The following CNNM2 variants were observed in gnomAD, a reference collection of about 807,000 sequenced individuals.
CNNM2 encodes the protein cyclin and CBS domain divalent metal cation transport mediator 2, also known as metal transporter CNNM2.
A neutral mutation model predicts 66.9 loss-of-function variants in CNNM2; 12 were observed. The observed-to-expected ratio is 0.18, with a 90% CI of 0.11 to 0.29. CNNM2 has a LOEUF of 0.29. Among genes scored for constraint, CNNM2 ranks in the 10% least tolerant of loss-of-function variants. The pLI is 1.00. For missense variants in CNNM2, 705 were observed against 1,167.7 expected, an observed-to-expected ratio of 0.60 and a Z score of 5.77; for synonymous variants, 557 against 501.8, an observed-to-expected ratio of 1.11 and a Z score of -1.47.
intron 1 of CNNM2, among the ~76,000 whole-genome samples, chr10:102,925,879 A>T (rs1845841896): frequency 6.6e-6 from 1 of 152,140 alleles, no homozygotes; most frequent in Non-Finnish European, 1.5e-5. Context: ...TTGTGGTTAG[A>T]CTAGGAGGGT....
rs576018502 is a variant in CNNM2, at chr10:103,073,626, C to T, written c.2233+1787C>T. Among the ~76,000 whole-genome samples the T allele has an allele frequency of 7.2e-5, 11 of 152,118 alleles. No homozygotes were observed. The East Asian group carries it at 2.1e-3, about 29-fold the overall frequency. Reference sequence around the variant, plus strand: ...CCTGTAATCCCAGCACTTTCGGAGGCCGAGGCGGGTGGATCATGAGGTCAG... The same window carrying T: ...CCTGTAATCCCAGCACTTTCGGAGGTCGAGGCGGGTGGATCATGAGGTCAG... On this transcript the variant is annotated intron_variant, in intron 6 of 7. Coordinates refer to ENST00000369878, the MANE Select transcript of CNNM2 (RefSeq NM_017649.5).
intron 1 of CNNM2, among the ~76,000 whole-genome samples, chr10:103,040,484 G>A (rs2134316297): frequency 6.6e-6 from 1 of 152,208 alleles, no homozygotes. Flanking sequence ...TCAGTAGCTG[G>A]TGGGAAGTGA....
intron 1 of CNNM2, among the ~76,000 whole-genome samples, chr10:103,013,973 A>C (rs535790268): frequency 6.6e-6 from 1 of 152,322 alleles, no homozygotes; most frequent in South Asian, 2.1e-4. Flanking sequence ...CCCTTAAGAC[A>C]ATTAGGACCT....
At chr10:103,002,895 C>T (rs549126543) in intron 1 of CNNM2, among the ~76,000 whole-genome samples, 1 of 152,250 alleles carries the variant, frequency 6.6e-6, no homozygotes, top group African/African-American at 2.4e-5. Context: ...TGCAATTCTG[C>T]TACTAGGTAT....
rs1434684530 is a variant in CNNM2 at position 103,082,158 on chromosome 10, G to A, written c.*4978G>A. ...GTACACAAGGTTTTCAGGTTTTAATGCCCATTGGGACCGTGAACAAATGAG... is the reference window on the plus strand; with the variant it reads ...GTACACAAGGTTTTCAGGTTTTAATACCCATTGGGACCGTGAACAAATGAG... On this transcript the variant is annotated 3_prime_UTR_variant, in exon 8 of 8. Transcript: ENST00000369878. 1.3e-5 allele frequency: 2 copies of A among 152,222 alleles called. No individual in the cohort carries two copies. The highest frequency in any genetic ancestry group is 4.8e-5 in the African/African-American group (2 of 41,448). The allele number at this position is 152,222 out of a possible 1,614,324, so 9.4% of individuals were successfully genotyped here. A position where few individuals can be genotyped will look rare whatever the true frequency, so the allele number is the denominator to read the frequency against.
At chr10:103,053,740 C>G (rs1469925451) in intron 2 of CNNM2, among the ~76,000 whole-genome samples, 1 of 152,126 alleles carries the variant, frequency 6.6e-6, no homozygotes, top group African/African-American at 2.4e-5. Context: ...GGATCCCATT[C>G]GTATCTGCTT....
chr10:103,061,836 C>T (rs2065390511), intron 4 of CNNM2, among the ~76,000 whole-genome samples: 1 of 151,248 alleles, frequency 6.6e-6, no homozygotes, highest in Non-Finnish European at 1.5e-5. Flanking sequence ...ACAACAAAAC[C>T]AAAATATGTC....
At chr10:102,924,746 A>G (rs1215042257) in intron 1 of CNNM2, among the ~76,000 whole-genome samples, 1 of 151,914 alleles carries the variant, frequency 6.6e-6, no homozygotes, top group Admixed American at 6.6e-5. Flanking sequence ...CTGGGATTAC[A>G]GGTGCATGCC....
At chr10:102,981,514 C>T (rs1006750449) in intron 1 of CNNM2, among the ~76,000 whole-genome samples, 17 of 151,700 alleles carry the variant, frequency 1.1e-4, no homozygotes, top group African/African-American at 2.9e-4. Flanking sequence ...CTCAGCCTCC[C>T]GAGTAGCTGG....
intron 4 of CNNM2, among the ~76,000 whole-genome samples, chr10:103,066,253 G>A (rs772518678): frequency 6.6e-6 from 1 of 151,926 alleles, no homozygotes; most frequent in Non-Finnish European, 1.5e-5. Flanking sequence ...GCTGAGCTTC[G>A]GTCCTTTTCC....
chr10:102,960,148 TGAAGAGC>T (rs2063357485), intron 1 of CNNM2, among the ~76,000 whole-genome samples: 17 of 152,284 alleles, frequency 1.1e-4, no homozygotes, highest in Admixed American at 1.0e-3. Context: ...ATAATCCATG[TGAAGAGC>T]TCAGCACAGT....
chr10:103,085,171 G>T lies in CNNM2; in HGVS notation c.*7991G>T, dbSNP rs7074395. 47,294 of 151,952 alleles carry T rather than the reference G, an allele frequency of 0.31. 7,503 individuals carry two copies. The highest frequency in any genetic ancestry group is 0.36 in the Middle Eastern group (106 of 292). The allele number at this position is 151,952 out of a possible 1,614,324, so 9.4% of individuals were successfully genotyped here. ...ACTTCTGAAGTGCTTTTCCTGTCAG[G>T]GTATTAGTGACTGTGCAGTGTTCAA... On this transcript the variant is annotated 3_prime_UTR_variant, in exon 8 of 8. Transcript: ENST00000369878.
Position 103,089,875 on chromosome 10 carries a change from C to T in CNNM2, c.*12695C>T, listed in dbSNP as rs779604935. On this transcript the variant is annotated 3_prime_UTR_variant, in exon 8 of 8. Transcript: ENST00000369878. ...GGAGACTCCATCTCATTGATATCTA[C>T]GTGTGTGTGCTCCACCGTTGATTCA... 12 of 1,612,050 alleles carry T rather than the reference C, an allele frequency of 7.4e-6. No individual in the cohort carries two copies. The highest frequency in any genetic ancestry group is 2.2e-5 in the East Asian group (1 of 44,832).
At chr10:102,940,623 T>C (rs1298631668) in intron 1 of CNNM2, among the ~76,000 whole-genome samples, 1 of 151,706 alleles carries the variant, frequency 6.6e-6, no homozygotes, top group Non-Finnish European at 1.5e-5. Flanking sequence ...TTTCACCGTG[T>C]TAGCCAGGAT....
chr10:102,958,245 G>C (rs540493119), intron 1 of CNNM2, among the ~76,000 whole-genome samples: 29 of 151,806 alleles, frequency 1.9e-4, no homozygotes, highest in African/African-American at 5.8e-4. Context: ...CTGAGCCACT[G>C]CACCTGGCCT....
At chr10:102,958,614 G>C (rs567013608) in intron 1 of CNNM2, among the ~76,000 whole-genome samples, 8 of 151,636 alleles carry the variant, frequency 5.3e-5, no homozygotes, top group African/African-American at 1.9e-4. Flanking sequence ...GGGATTACAG[G>C]TGCATGCCAC....
intron 1 of CNNM2, among the ~76,000 whole-genome samples, chr10:103,040,835 A>G (rs1004322858): frequency 6.6e-6 from 1 of 152,298 alleles, no homozygotes; most frequent in East Asian, 1.9e-4. Flanking sequence ...CTCCCGTGAC[A>G]TAGTTTGTAT....
At chr10:102,987,136 G>C (rs2063810738) in intron 1 of CNNM2, among the ~76,000 whole-genome samples, 1 of 152,098 alleles carries the variant, frequency 6.6e-6, no homozygotes, top group South Asian at 2.1e-4. Context: ...GAAAACCAGA[G>C]GGTTTAGGGT....
chr10:103,036,908 G>A (rs1222586309), intron 1 of CNNM2, among the ~76,000 whole-genome samples: 1 of 152,112 alleles, frequency 6.6e-6, no homozygotes, highest in Non-Finnish European at 1.5e-5. Flanking sequence ...AAGGGAAATA[G>A]GAAGGTCATT....
Sources: gnomAD v4.1 joint callset for allele counts (sites outside exome capture counted in the v4.1 genomes callset) on GRCh38, gnomAD v4.1.1 for gene constraint, MANE v1.5 for transcripts, NCBI Gene and HGNC (gene_info 2026-07-23, HGNC 2026-07-21) for gene names.